The following AKAP13 variants were observed in gnomAD, a reference collection of about 807,000 sequenced individuals.
AKAP13 encodes A-kinase anchor protein 13.
A neutral mutation model predicts 264.5 loss-of-function variants in AKAP13; 80 were observed. The ratio of observed to expected loss-of-function variants is 0.30; its 90% CI spans 0.25 to 0.36. The LOEUF (loss-of-function observed/expected upper bound fraction) is 0.36, where lower values mean the gene tolerates loss of function less well. AKAP13 is among the 10% of genes least tolerant of loss of function. The pLI, the probability that AKAP13 is intolerant of heterozygous loss-of-function variation, is 1.00. For missense variants in AKAP13, 3,712 were observed against 3,435.2 expected (o/e 1.08, Z -2.01); for synonymous variants, 1,380 against 1,250.2 (o/e 1.10, Z -2.19).
chr15:85,469,217 G>C (rs993720506), intron 1 of AKAP13, among the ~76,000 whole-genome samples: 4 of 151,012 alleles, frequency 2.6e-5, no homozygotes, highest in African/African-American at 9.8e-5. Context: ...ACCAGGCCAG[G>C]TGTGTAAATG....
chr15:85,542,143 T>C (rs2077598500), intron 4 of AKAP13, among the ~76,000 whole-genome samples: 1 of 152,234 alleles, frequency 6.6e-6, no homozygotes, highest in Non-Finnish European at 1.5e-5. Flanking sequence ...TGGTGCTATT[T>C]GATCTTTTGT....
At position 85,664,896 on chromosome 15, in the gene AKAP13, G is replaced by T. The variant is rs2083506646; in HGVS notation, c.4992+141G>T. ...TATACTTAATCTAGCACTAAACCAA[G>T]TGTTTAGCACCTAATTAAAAAGGGC... On this transcript the variant is annotated intron_variant, in intron 13 of 36. Transcript: ENST00000394518. 4 of 791,100 alleles carry T rather than the reference G, an allele frequency of 5.1e-6. No individual in the cohort carries two copies. In the South Asian group the frequency reaches 8.5e-5, roughly 17 times the overall value. The allele number at this position is 791,100 out of a possible 1,614,324, so 49.0% of individuals were successfully genotyped here.
intron 2 of AKAP13, among the ~76,000 whole-genome samples, chr15:85,496,443 T>G (rs547135234): frequency 7.9e-5 from 12 of 152,184 alleles, no homozygotes; most frequent in Non-Finnish European, 1.6e-4. Flanking sequence ...ATACTGTGAT[T>G]AGGAGGAGGA....
intron 1 of AKAP13, among the ~76,000 whole-genome samples, chr15:85,410,006 T>C (rs542004245): frequency 6.6e-6 from 1 of 151,842 alleles, no homozygotes; most frequent in South Asian, 2.1e-4. Context: ...TTTACTGAGC[T>C]CAAATGAAGA....
intron 19 of AKAP13, 126 bp from the exon 20 acceptor site, chr15:85,715,662 T>C: frequency 8.1e-7 from 1 of 1,236,540 alleles, no homozygotes; most frequent in Non-Finnish European, 1.1e-6. Context: ...GGAGTTTTTA[T>C]ATAAACTTAC....
At chr15:85,607,129 A>G (rs2080389037) in intron 8 of AKAP13, among the ~76,000 whole-genome samples, 1 of 151,394 alleles carries the variant, frequency 6.6e-6, no homozygotes, top group South Asian at 2.1e-4. Flanking sequence ...TGGCTTTTAA[A>G]GAAGTACTTC....
chr15:85,433,773 T>C lies in AKAP13; in HGVS notation c.-11-51937T>C, dbSNP rs192186246. Among the ~76,000 whole-genome samples, 100 of 151,730 alleles carry C rather than the reference T, an allele frequency of 6.6e-4. 1 individual carries two copies. Among genetic ancestry groups the C allele is most frequent in the African/African-American group, 2.2e-3 (91 of 41,334 alleles). Reference sequence around the variant, plus strand: ...CCTGACCAACATGGTGAAACCCCTCTCTACTAAAAATATAAAAATTAGTTG... The same window carrying C: ...CCTGACCAACATGGTGAAACCCCTCCCTACTAAAAATATAAAAATTAGTTG... On this transcript the variant is annotated intron_variant, in intron 1 of 36. Coordinates refer to ENST00000394518, the MANE Select transcript of AKAP13 (RefSeq NM_007200.5).
At chr15:85,429,808 C>T (rs1198896764) in intron 1 of AKAP13, among the ~76,000 whole-genome samples, 1 of 152,202 alleles carries the variant, frequency 6.6e-6, no homozygotes, top group Non-Finnish European at 1.5e-5. Flanking sequence ...CTGATATGCA[C>T]TGGGATTTAT....
intron 1 of AKAP13, among the ~76,000 whole-genome samples, chr15:85,434,980 T>C (rs2073207704): frequency 6.6e-6 from 1 of 151,342 alleles, no homozygotes; most frequent in Non-Finnish European, 1.5e-5. Context: ...AGAATGACTT[T>C]GACGAGCTGA....
At chr15:85,696,067 C>G (rs2085549108) in intron 17 of AKAP13, among the ~76,000 whole-genome samples, 1 of 152,210 alleles carries the variant, frequency 6.6e-6, no homozygotes, top group African/African-American at 2.4e-5. Flanking sequence ...AAATTACATA[C>G]AAGTCCTACT....
intron 14 of AKAP13, 61 bp from the exon 15 acceptor site, chr15:85,682,097 T>A: frequency 6.8e-7 from 1 of 1,468,374 alleles, no homozygotes; most frequent in East Asian, 2.3e-5. Context: ...TTTATAAATA[T>A]TCTACCCGGC....
Position 85,743,481 on chromosome 15 carries a change from A to C in AKAP13, c.8059-11A>C, listed in dbSNP as rs1458319915. 6.2e-7 allele frequency: 1 copy of C among 1,608,976 alleles called. No homozygotes were observed. Among genetic ancestry groups the C allele is most frequent in the Admixed American group, 1.7e-5 (1 of 59,540 alleles). On this transcript the variant is annotated splice_polypyrimidine_tract_variant and intron_variant, in intron 35 of 36. Transcript: ENST00000394518. ...CCTCCAAGTGAAAACCCTTCTCTTGAATATGTACAGGTTTCCCATCCACAT... is the reference window on the plus strand; with the variant it reads ...CCTCCAAGTGAAAACCCTTCTCTTGCATATGTACAGGTTTCCCATCCACAT...
chr15:85,559,197 C>T (rs1429645093), intron 5 of AKAP13, among the ~76,000 whole-genome samples: 1 of 152,108 alleles, frequency 6.6e-6, no homozygotes, highest in East Asian at 1.9e-4. Context: ...TGGCGTGAAG[C>T]ACTGGTTAAA....
intron 8 of AKAP13, among the ~76,000 whole-genome samples, chr15:85,603,935 C>T (rs1164141824): frequency 1.3e-5 from 2 of 152,176 alleles, no homozygotes; most frequent in African/African-American, 4.8e-5. Context: ...CGCCTCCTGC[C>T]AGTGACTCTG....
chr15:85,444,188 C>G (rs976127332), intron 1 of AKAP13, among the ~76,000 whole-genome samples: 5 of 152,134 alleles, frequency 3.3e-5, no homozygotes, highest in South Asian at 2.1e-4. Flanking sequence ...GCTTTCCACT[C>G]GAGCCAGCTA....
chr15:85,415,875 A>C (rs769806756), intron 1 of AKAP13, among the ~76,000 whole-genome samples: 1 of 152,218 alleles, frequency 6.6e-6, no homozygotes, highest in African/African-American at 2.4e-5. Flanking sequence ...ATTGATGATT[A>C]TCTTTTAAAA....
Position 85,745,622 on chromosome 15 carries a change from C to G in AKAP13, c.*945C>G, listed in dbSNP as rs2089347751. 1 of 152,246 alleles carries G rather than the reference C, an allele frequency of 6.6e-6. No individual in the cohort carries two copies. The highest frequency in any genetic ancestry group is 2.4e-5 in the African/African-American group (1 of 41,444). The allele number at this position is 152,246 out of a possible 1,614,324, so 9.4% of individuals were successfully genotyped here. A position where few individuals can be genotyped will look rare whatever the true frequency, so the allele number is the denominator to read the frequency against. ...GCTGTGTTCCTGAGCCCCCGTCGTG[C>G]CTCTCCCAGACAGCAGCTGTCTGGC... On this transcript the variant is annotated 3_prime_UTR_variant, in exon 37 of 37. Coordinates refer to ENST00000394518, the MANE Select transcript of AKAP13 (RefSeq NM_007200.5).
chr15:85,565,197 A>C lies in AKAP13; in HGVS notation c.663-9934A>C, dbSNP rs150058475. On this transcript the variant is annotated intron_variant, in intron 5 of 36. Coordinates refer to ENST00000394518, the MANE Select transcript of AKAP13 (RefSeq NM_007200.5). ...TGCATCATTGCCACAATTGGTGGTA[A>C]AGTACCATTTCGTTTATTCAGGGTG... 5.6e-3 allele frequency among the ~76,000 whole-genome samples: 855 copies of C among 152,246 alleles called. 2 individuals carry two copies. The highest frequency in any genetic ancestry group is 7.9e-3 in the Non-Finnish European group (539 of 68,016).
intron 6 of AKAP13, among the ~76,000 whole-genome samples, chr15:85,575,585 G>A (rs1293990779): frequency 3.3e-5 from 5 of 152,072 alleles, no homozygotes; most frequent in South Asian, 2.1e-4. Context: ...CCAGCTACTC[G>A]GAAGGCTGAG....
Sources: allele counts gnomAD v4.1 joint callset (sites outside exome capture counted in the v4.1 genomes callset), GRCh38; gene constraint gnomAD v4.1.1; transcripts MANE v1.5; gene names NCBI Gene and HGNC (gene_info 2026-07-23, HGNC 2026-07-21).